ALPG: variants seen among roughly 807,000 people sequenced by gnomAD.
ALPG encodes the protein alkaline phosphatase, germ cell type.
ALPG carries 32 observed loss-of-function variants against 48.6 expected under a neutral mutation model. The observed-to-expected ratio is 0.66, with a 90% CI of 0.50 to 0.88. The LOEUF (loss-of-function observed/expected upper bound fraction) is 0.88, where lower values mean the gene tolerates loss of function less well. ALPG is among the 40% of genes least tolerant of loss of function. ALPG has a pLI of 0.00. For missense variants in ALPG, 533 were observed against 718.1 expected (o/e 0.74, Z 2.95); for synonymous variants, 244 against 308.9 (o/e 0.79, Z 2.20).
In ALPG at chr2:232,406,873, C is replaced by A. The variant is rs368542958; in HGVS notation, c.-22C>A. On this transcript the variant is annotated 5_prime_UTR_variant, in exon 1 of 11. Coordinates refer to ENST00000295453, the MANE Select transcript of ALPG (RefSeq NM_031313.3). Reference sequence around the variant, plus strand: ...TCCATACCTGGGATTTCCGCCTCGCCGCTCTCCGACTGCTTCCAGACATGC... The same window carrying A: ...TCCATACCTGGGATTTCCGCCTCGCAGCTCTCCGACTGCTTCCAGACATGC... 6.2e-7 allele frequency: 1 copy of A among 1,602,788 alleles called. No individual in the cohort carries two copies. Among genetic ancestry groups the A allele is most frequent in the South Asian group, 1.1e-5 (1 of 88,700 alleles).
Position 232,409,060 on chromosome 2 carries a change from C to T in ALPG, c.1131C>T (p.His377=). 1 of 1,179,778 alleles carries T rather than the reference C, an allele frequency of 8.5e-7. No individual in the cohort carries two copies. The highest frequency in any genetic ancestry group is 1.1e-6 in the Non-Finnish European group (1 of 871,840). 73.1% of individuals were successfully genotyped at this position (1,179,778 alleles called of 1,614,324 possible). ...CGCTGAGCCTCGTCACTGCCGACCA[C>T]TCCCACGTCTTCTCCTTCGGAGGCT... ...EDTLSLVTAD[H]SHVFSFGGYP... The change falls in exon 9 of 11, where the codon CAC becomes CAT. Residue 377 remains histidine (H), a synonymous_variant. Coordinates refer to ENST00000295453, the MANE Select transcript of ALPG (RefSeq NM_031313.3).
rs759424851 is a variant in ALPG at position 232,407,251 on chromosome 2, T to G, written c.185-35T>G. On this transcript the variant is annotated intron_variant, in intron 2 of 10. Coordinates refer to ENST00000295453, the MANE Select transcript of ALPG (RefSeq NM_031313.3). ...ACCCTCAGTGGTTCCAGGACAGCCCTGGGGAGCAAGCCTCACACACTTCTG... is the reference window on the plus strand; with the variant it reads ...ACCCTCAGTGGTTCCAGGACAGCCCGGGGGAGCAAGCCTCACACACTTCTG... 3.1e-6 allele frequency: 5 copies of G among 1,613,806 alleles called. No homozygotes were observed. The Admixed American group carries it at 8.3e-5, about 27-fold the overall frequency.
Position 232,409,833 on chromosome 2 carries a change from A to T in ALPG, c.1560A>T (p.Ala520=). 6.3e-7 allele frequency: 1 copy of T among 1,588,836 alleles called. No individual in the cohort carries two copies. Among genetic ancestry groups the T allele is most frequent in the Middle Eastern group, 2.1e-4 (1 of 4,696 alleles). The stretch of plus-strand genomic sequence containing the variant: ...TCCCCGCGTTGCTTCCTCTGCTGGC[A>T]GGGACCTTGCTGCTGCTGGGGACGG... The part of the protein sequence containing the change: ...SVVPALLPLL[A]GTLLLLGTAT... Residue 520 remains alanine (A), a synonymous_variant, in exon 11 of 11, where the codon GCA becomes GCT. Coordinates refer to ENST00000295453, the MANE Select transcript of ALPG (RefSeq NM_031313.3).
In ALPG at chr2:232,409,738, C is replaced by A. The variant is rs1162843432; in HGVS notation, c.1465C>A (p.Pro489Thr). The A allele has an allele frequency of 3.7e-6, 6 of 1,609,666 alleles. No homozygotes were observed. Among genetic ancestry groups the A allele is most frequent in the Non-Finnish European group, 5.1e-6 (6 of 1,178,552 alleles). ...HVMAFAACLE[P>T]YTACDLAPRA... ...CATGGCCTTCGCCGCCTGCCTGGAG[C>A]CCTACACCGCCTGCGACCTGGCGCC... The change falls in exon 11 of 11, where the codon CCC becomes ACC. Residue 489 changes from proline to threonine, a missense_variant. By Grantham distance (38) the Pro-to-Thr change is conservative. Around this residue, in one of 6 missense-constraint regions of ALPG, gnomAD observed 145 missense variants for 174.3 expected, o/e 0.83. Transcript: ENST00000295453.
In ALPG at chr2:232,410,138, G is replaced by A; in HGVS notation, c.*266G>A. 1 of 598,358 alleles carries A rather than the reference G, an allele frequency of 1.7e-6. No individual in the cohort carries two copies. The highest frequency in any genetic ancestry group is 2.9e-6 in the Non-Finnish European group (1 of 346,266). The allele number at this position is 598,358 out of a possible 1,614,324, so 37.1% of individuals were successfully genotyped here. ...CAGCTGCCTGCATTTCAGGAAAAGA[G>A]GAGGCTCAGACCATCCAGCCCCCGC... On this transcript the variant is annotated 3_prime_UTR_variant, in exon 11 of 11. Transcript: ENST00000295453.
rs571157591 is a variant in ALPG at position 232,409,456 on chromosome 2, C to T, written c.1300+8C>T. 3 of 1,515,082 alleles carry T rather than the reference C, an allele frequency of 2.0e-6. No homozygotes were observed. Among genetic ancestry groups the T allele is most frequent in the African/African-American group, 2.7e-5 (2 of 72,926 alleles). The allele number at this position is 1,515,082 out of a possible 1,614,324, so 93.9% of individuals were successfully genotyped here. ...TTACGGAGAGCGAGAGCGGTGAGTG[C>T]CGTGGGGTGGCCCCCTGAGGGGGAC... On this transcript the variant is annotated splice_region_variant and intron_variant, in intron 10 of 10. Transcript: ENST00000295453.
intron 3 of ALPG, 82 bp downstream of exon 3, chr2:232,407,483 A>C (rs1052312061): frequency 1.3e-5 from 21 of 1,590,264 alleles, no homozygotes; most frequent in Non-Finnish European, 1.7e-5. Flanking sequence ...GAGGGACCCT[A>C]AACAGCTGGG....
chr2:232,409,777 A>G lies in ALPG; in HGVS notation c.1504A>G (p.Thr502Ala), dbSNP rs768937331. ...ACDLAPRAGT[T>A]DAAHPGPSVV... is the part of the protein sequence containing the mutation. ...CGACCTGGCGCCCCGCGCCGGCACC[A>G]CCGACGCCGCGCACCCGGGGCCGTC... Residue 502 changes from threonine to alanine, a missense_variant, in exon 11 of 11, where the codon ACC (threonine) becomes GCC (alanine). Around this residue, in one of 6 missense-constraint regions of ALPG, gnomAD observed 145 missense variants for 174.3 expected, o/e 0.83. Transcript: ENST00000295453. 2 of 1,604,340 alleles carry G rather than the reference A, an allele frequency of 1.2e-6. No homozygotes were observed. Among genetic ancestry groups the G allele is most frequent in the Non-Finnish European group, 8.5e-7 (1 of 1,176,408 alleles).
Position 232,409,710 on chromosome 2 carries a change from C to T in ALPG, c.1437C>T (p.His479=), listed in dbSNP as rs770332862. 2.5e-6 allele frequency: 4 copies of T among 1,611,244 alleles called. No homozygotes were observed. The highest frequency in any genetic ancestry group is 3.4e-6 in the Non-Finnish European group (4 of 1,179,044). The change falls in exon 11 of 11, where the codon CAC becomes CAT. Residue 479 remains histidine, a synonymous_variant. Coordinates refer to ENST00000295453, the MANE Select transcript of ALPG (RefSeq NM_031313.3). ...HGVQEQTFIA[H]VMAFAACLEP... ...TGCAGGAGCAGACCTTCATAGCGCA[C>T]GTCATGGCCTTCGCCGCCTGCCTGG...
At chr2:232,408,091 A>G in intron 5 of ALPG, 74 bp downstream of exon 5, 1 of 1,570,034 alleles carries the variant, frequency 6.4e-7, no homozygotes, top group Non-Finnish European at 8.6e-7. Flanking sequence ...GACCCAGGCA[A>G]CCAAAAGCCT....
intron 2 of ALPG, 35 bp downstream of exon 2, chr2:232,407,208 C>T: frequency 5.6e-6 from 9 of 1,613,970 alleles, no homozygotes; most frequent in Non-Finnish European, 7.6e-6. Flanking sequence ...CCGCAGCCCT[C>T]ACAGCCCCGG....
Position 232,410,168 on chromosome 2 carries a change from A to C in ALPG, c.*296A>C. On this transcript the variant is annotated 3_prime_UTR_variant, in exon 11 of 11. Coordinates refer to ENST00000295453, the MANE Select transcript of ALPG (RefSeq NM_031313.3). Reference sequence around the variant, plus strand: ...CTCAGACCATCCAGCCCCCGCCCATATCCTGAGGTGGATCAGGCAGGCTCT... The same window carrying C: ...CTCAGACCATCCAGCCCCCGCCCATCTCCTGAGGTGGATCAGGCAGGCTCT... 13 of 512,724 alleles carry C rather than the reference A, an allele frequency of 2.5e-5. No homozygotes were observed. The highest frequency in any genetic ancestry group is 1.0e-4 in the East Asian group (3 of 28,782). The allele number at this position is 512,724 out of a possible 1,614,324, so 31.8% of individuals were successfully genotyped here. A position where few individuals can be genotyped will look rare whatever the true frequency, so the allele number is the denominator to read the frequency against.
At chr2:232,407,531 G>C in intron 3 of ALPG, 63 bp from the exon 4 acceptor site, 1 of 1,606,480 alleles carries the variant, frequency 6.2e-7, no homozygotes, top group Middle Eastern at 1.7e-4. Context: ...GAATCCCAGA[G>C]GACAGAGATC....
rs1697118239 is a variant in ALPG at position 232,407,840 on chromosome 2, C to T, written c.476-5C>T. The stretch of plus-strand genomic sequence containing the variant: ...ATCGCATATCCTGACCTCTATCACC[C>T]TCAGGAAAGTCAGTGGGAGTGGTAA... On this transcript the variant is annotated splice_polypyrimidine_tract_variant and splice_region_variant and intron_variant, in intron 4 of 10. Coordinates refer to ENST00000295453, the MANE Select transcript of ALPG (RefSeq NM_031313.3). The T allele has an allele frequency of 1.9e-6, 3 of 1,613,600 alleles. No individual in the cohort carries two copies. Among genetic ancestry groups the T allele is most frequent in the Non-Finnish European group, 8.5e-7 (1 of 1,180,012 alleles).
rs1242969303 is a variant in ALPG, at chr2:232,410,580, C to T, written c.*708C>T. 6.6e-6 allele frequency: 1 copy of T among 152,396 alleles called. No individual in the cohort carries two copies. The highest frequency in any genetic ancestry group is 2.4e-5 in the African/African-American group (1 of 41,462). 9.4% of individuals were successfully genotyped at this position (152,396 alleles called of 1,614,324 possible). On this transcript the variant is annotated 3_prime_UTR_variant, in exon 11 of 11. Coordinates refer to ENST00000295453, the MANE Select transcript of ALPG (RefSeq NM_031313.3). ...TGGGTGCAGGATAGCAGTCCAGAGTCCATGGCCCCGCCTAGGCCATCTGGG... is the reference window on the plus strand; with the variant it reads ...TGGGTGCAGGATAGCAGTCCAGAGTTCATGGCCCCGCCTAGGCCATCTGGG...
Position 232,406,918 on chromosome 2 carries a change from C to G in ALPG, c.24C>G (p.Leu8=), listed in dbSNP as rs61730279. Residue 8 remains leucine, a synonymous_variant, in exon 1 of 11, where the codon CTC becomes CTG. Transcript: ENST00000295453. MQGPWVL[L]LLGLRLQLSL... is the part of the protein sequence containing the mutation. Reference sequence around the variant, plus strand: ...ACATGCAGGGGCCCTGGGTGCTGCTCCTGCTGGGCCTGAGGCTACAGCTCT... The same window carrying G: ...ACATGCAGGGGCCCTGGGTGCTGCTGCTGCTGGGCCTGAGGCTACAGCTCT... The G allele has an allele frequency of 1.9e-5, 31 of 1,612,524 alleles. No homozygotes were observed. In the African/African-American group the frequency reaches 2.4e-4, roughly 13 times the overall value.
chr2:232,406,908 G>A lies in ALPG; in HGVS notation c.14G>A (p.Trp5Ter), dbSNP rs1279809284. 5 of 1,612,514 alleles carry A rather than the reference G, an allele frequency of 3.1e-6. No homozygotes were observed. The highest frequency in any genetic ancestry group is 4.2e-6 in the Non-Finnish European group (5 of 1,179,744). ...CTGCTTCCAGACATGCAGGGGCCCTGGGTGCTGCTCCTGCTGGGCCTGAGG... is the reference window on the plus strand; with the variant it reads ...CTGCTTCCAGACATGCAGGGGCCCTAGGTGCTGCTCCTGCTGGGCCTGAGG... MQGP[W>*]VLLLLGLRLQ... is the part of the protein sequence containing the mutation. Residue 5 changes from tryptophan (W) to a stop codon, truncating the protein, a stop_gained, in exon 1 of 11, where the codon TGG becomes TAG. Coordinates refer to ENST00000295453, the MANE Select transcript of ALPG (RefSeq NM_031313.3). LOFTEE classifies it high-confidence loss of function.
intron 5 of ALPG, 89 bp from the exon 6 acceptor site, chr2:232,408,178 T>C: frequency 6.3e-7 from 1 of 1,589,382 alleles, no homozygotes. Flanking sequence ...TCCCACAGCC[T>C]TGGGGAGGGG....
Position 232,409,754 on chromosome 2 carries a change from A to G in ALPG, c.1481A>G (p.Asp494Gly). 1.9e-6 allele frequency: 3 copies of G among 1,608,512 alleles called. No homozygotes were observed. Among genetic ancestry groups the G allele is most frequent in the Non-Finnish European group, 2.5e-6 (3 of 1,178,192 alleles). ...AACLEPYTAC[D>G]LAPRAGTTDA... ...TGCCTGGAGCCCTACACCGCCTGCG[A>G]CCTGGCGCCCCGCGCCGGCACCACC... The change falls in exon 11 of 11, where the codon GAC becomes GGC. Residue 494 changes from aspartate to glycine, a missense_variant. Around this residue, in one of 6 missense-constraint regions of ALPG, gnomAD observed 145 missense variants for 174.3 expected, o/e 0.83. Coordinates refer to ENST00000295453, the MANE Select transcript of ALPG (RefSeq NM_031313.3).
Sources: allele counts gnomAD v4.1 joint callset, GRCh38; gene constraint gnomAD v4.1.1; regional missense constraint gnomAD v4.1.1; transcripts MANE v1.5; gene names NCBI Gene and HGNC (gene_info 2026-07-23, HGNC 2026-07-21).